The following AR variants were observed in gnomAD, a reference collection of about 807,000 sequenced individuals.
AR encodes the protein androgen receptor, also known as dihydrotestosterone receptor.
In AR, 8 loss-of-function variants were observed where a neutral mutation model predicts 53.9. The ratio of observed to expected loss-of-function variants is 0.15; its 90% confidence interval spans 0.09 to 0.27. The LOEUF (loss-of-function observed/expected upper bound fraction) is 0.27. Among genes scored for constraint, AR ranks in the 10% least tolerant of loss-of-function variants. The pLI, the probability that AR is intolerant of heterozygous loss-of-function variation, is 1.00. For synonymous variants in AR, 359 were observed against 316.4 expected, an observed-to-expected ratio of 1.13 and a Z score of -1.43; for missense variants, 639 against 742.5, an observed-to-expected ratio of 0.86 and a Z score of 1.62.
At chrX:67,557,318 G>A (rs1034067042) in intron 1 of AR, among the ~76,000 whole-genome samples, 3 of 111,684 alleles carry the variant, frequency 2.7e-5, no homozygotes, top group Non-Finnish European at 5.6e-5. Context: ...GAAAAAAATA[G>A]AGATGAGGAT....
At position 67,711,487 on chromosome X, in the gene AR, C is replaced by T. The variant is rs747014724; in HGVS notation, c.1971C>T (p.Thr657=). ...CCACCAGCCCCACTGAGGAGACAAC[C>T]CAGAAGCTGACAGTGTCACACATTG... ...SSTTSPTEET[T]QKLTVSHIEG... The change falls in exon 4 of 8, where the codon ACC becomes ACT. Residue 657 remains threonine, a synonymous_variant. Transcript: ENST00000374690. The T allele has an allele frequency of 8.3e-7, 1 of 1,210,144 alleles. No homozygotes were observed. The highest frequency in any genetic ancestry group is 2.2e-5 in the Admixed American group (1 of 45,911).
chrX:67,706,673 T>G (rs1192089992), intron 3 of AR, among the ~76,000 whole-genome samples: 1 of 111,710 alleles, frequency 9.0e-6, no homozygotes, highest in African/African-American at 3.3e-5. Flanking sequence ...TCTTGGTTAT[T>G]TCTTGCCTTC....
chrX:67,656,715 C>T (rs947235888), intron 2 of AR, among the ~76,000 whole-genome samples: 2 of 111,136 alleles, frequency 1.8e-5, no homozygotes, highest in Non-Finnish European at 3.8e-5. Context: ...GTTCAACAAA[C>T]ATCAAGCATC....
At chrX:67,692,929 A>G (rs2076002479) in intron 3 of AR, among the ~76,000 whole-genome samples, 1 of 112,263 alleles carries the variant, frequency 8.9e-6, no homozygotes, top group African/African-American at 3.2e-5. Context: ...AATTGGTTAC[A>G]TACATATTTG....
At chrX:67,582,815 T>A (rs1001519007) in intron 1 of AR, among the ~76,000 whole-genome samples, 38 of 111,815 alleles carry the variant, frequency 3.4e-4, no homozygotes, top group African/African-American at 9.8e-4. Flanking sequence ...TCCACTCCCG[T>A]ATCCATCGCA....
intron 2 of AR, among the ~76,000 whole-genome samples, chrX:67,664,164 G>T (rs1927119264): frequency 8.9e-6 from 1 of 112,145 alleles, no homozygotes; most frequent in Non-Finnish European, 1.9e-5. Flanking sequence ...TGCTGGTGAG[G>T]AGCTGCATTC....
chrX:67,589,612 G>C (rs1409398676), intron 1 of AR, among the ~76,000 whole-genome samples: 4 of 111,865 alleles, frequency 3.6e-5, no homozygotes, highest in African/African-American at 1.3e-4. Context: ...GACTCAACTT[G>C]AGTAAACCTG....
chrX:67,636,865 G>A (rs1267988258), intron 1 of AR, among the ~76,000 whole-genome samples: 1 of 111,262 alleles, frequency 9.0e-6, no homozygotes, highest in Non-Finnish European at 1.9e-5. Context: ...AGTCAAAATG[G>A]GTTGCAATTA....
intron 3 of AR, among the ~76,000 whole-genome samples, chrX:67,691,815 T>G (rs2075996888): frequency 1.8e-5 from 2 of 111,794 alleles, no homozygotes; most frequent in South Asian, 7.5e-4. Context: ...GTTAATTATG[T>G]TGGGTCTGCA....
intron 1 of AR, among the ~76,000 whole-genome samples, chrX:67,563,757 G>A (rs944821690): frequency 4.4e-5 from 5 of 112,431 alleles, no homozygotes; most frequent in African/African-American, 1.6e-4. Context: ...GTGCTTCAAA[G>A]TGTGAGACAG....
chrX:67,563,532 G>C (rs11094026), intron 1 of AR, among the ~76,000 whole-genome samples: 76 of 111,621 alleles, frequency 6.8e-4, no homozygotes, highest in Non-Finnish European at 1.3e-3. Flanking sequence ...AACAGAGCTT[G>C]GGAAAACGCT....
intron 3 of AR, among the ~76,000 whole-genome samples, chrX:67,694,121 T>C (rs1174550130): frequency 9.0e-6 from 1 of 111,413 alleles, no homozygotes; most frequent in Admixed American, 9.6e-5. Flanking sequence ...GGGTGGAAAA[T>C]GAGGCATGGA....
intron 1 of AR, among the ~76,000 whole-genome samples, chrX:67,593,529 T>G (rs971463863): frequency 9.1e-6 from 1 of 110,138 alleles, no homozygotes; most frequent in African/African-American, 3.3e-5. Flanking sequence ...TGTTTGTATT[T>G]TTAGTAGAGT....
intron 1 of AR, among the ~76,000 whole-genome samples, chrX:67,596,089 C>T (rs1923067616): frequency 9.1e-6 from 1 of 110,401 alleles, no homozygotes; most frequent in Non-Finnish European, 1.9e-5. Flanking sequence ...TCCCCCCTTG[C>T]TCTCTTGTTC....
At chrX:67,598,488 T>A (rs768675880) in intron 1 of AR, among the ~76,000 whole-genome samples, 12 of 110,433 alleles carry the variant, frequency 1.1e-4, no homozygotes, top group African/African-American at 3.6e-4. Flanking sequence ...ACCATGTTGA[T>A]CAGGTTGGTC....
Position 67,725,558 on chromosome X carries a change from A to G in AR, c.*1717A>G. Reference sequence around the variant, plus strand: ...CCACCTGCAGAAGTCATGAGAAGAGAGAAGGAACAAAGAGGAGACTCTGAC... The same window carrying G: ...CCACCTGCAGAAGTCATGAGAAGAGGGAAGGAACAAAGAGGAGACTCTGAC... On this transcript the variant is annotated 3_prime_UTR_variant, in exon 8 of 8. Transcript: ENST00000374690. 5.7e-6 allele frequency: 1 copy of G among 175,855 alleles called. No individual in the cohort carries two copies. Among genetic ancestry groups the G allele is most frequent in the East Asian group, 8.0e-5 (1 of 12,444 alleles). 14.5% of individuals were successfully genotyped at this position (175,855 alleles called of 1,213,427 possible).
chrX:67,642,814 C>T (rs762959569), intron 1 of AR, among the ~76,000 whole-genome samples: 10 of 111,748 alleles, frequency 8.9e-5, no homozygotes, highest in South Asian at 3.8e-4. Flanking sequence ...TTGAGGCTCA[C>T]GAAGCTAAAG....
At chrX:67,711,317 C>T (rs2147523782) in intron 3 of AR, 85 bp from the exon 4 acceptor site, 1 of 1,024,945 alleles carries the variant, frequency 9.8e-7, no homozygotes, top group Non-Finnish European at 1.3e-6. Context: ...ATTTTCTTAG[C>T]TAGGGCAGTT....
chrX:67,684,835 A>C (rs1441860924), intron 2 of AR, among the ~76,000 whole-genome samples: 1 of 111,366 alleles, frequency 9.0e-6, no homozygotes, highest in Non-Finnish European at 1.9e-5. Flanking sequence ...AAGGGAGAGG[A>C]AAGCTGATGT....
Sources: gnomAD v4.1 joint callset for allele counts (sites outside exome capture counted in the v4.1 genomes callset) on GRCh38, gnomAD v4.1.1 for gene constraint, MANE v1.5 for transcripts, NCBI Gene and HGNC (gene_info 2026-07-23, HGNC 2026-07-21) for gene names.